MGMT: variants seen among roughly 807,000 people sequenced by gnomAD.
MGMT encodes the protein methylated-DNA--protein-cysteine methyltransferase.
In MGMT, 14 loss-of-function variants were observed where a neutral mutation model predicts 15.9. The observed-to-expected ratio is 0.88, with a 90% CI of 0.58 to 1.37. The LOEUF (loss-of-function observed/expected upper bound fraction) is 1.37, where lower values mean the gene tolerates loss of function less well. Ranked by LOEUF, MGMT falls within the 40% of genes most tolerant of loss-of-function variation. MGMT has a pLI of 0.00. For synonymous variants in MGMT, 130 were observed against 118.2 expected (o/e 1.10, Z -0.65); for missense variants, 282 against 268.1 (o/e 1.05, Z -0.36).
At chr10:129,558,644 A>G (rs539745405) in intron 2 of MGMT, among the ~76,000 whole-genome samples, 4 of 152,222 alleles carry the variant, frequency 2.6e-5, no homozygotes, top group African/African-American at 9.6e-5. Flanking sequence ...AAATGGTATT[A>G]CAGTCTTTGT....
At chr10:129,517,962 G>C (rs981648027) in intron 1 of MGMT, among the ~76,000 whole-genome samples, 14 of 152,192 alleles carry the variant, frequency 9.2e-5, no homozygotes, top group African/African-American at 3.4e-4. Context: ...TGCTTTAGCA[G>C]ATGTTGTGTG....
At chr10:129,658,459 A>G (rs1847557388) in intron 2 of MGMT, among the ~76,000 whole-genome samples, 1 of 152,126 alleles carries the variant, frequency 6.6e-6, no homozygotes, top group South Asian at 2.1e-4. Context: ...TTTCTTAGAG[A>G]CTTATTTGAT....
intron 2 of MGMT, among the ~76,000 whole-genome samples, chr10:129,668,522 C>T (rs1467023711): frequency 5.9e-5 from 9 of 152,232 alleles, no homozygotes; most frequent in Admixed American, 4.6e-4. Context: ...CATTTATTCC[C>T]CATGTCTATG....
chr10:129,755,307 C>T (rs1848792177), intron 3 of MGMT, among the ~76,000 whole-genome samples: 1 of 152,240 alleles, frequency 6.6e-6, no homozygotes, highest in African/African-American at 2.4e-5. Context: ...GCCAGGGACA[C>T]CAGCTCCTGG....
At chr10:129,519,869 G>A (rs1444562391) in intron 1 of MGMT, among the ~76,000 whole-genome samples, 6 of 152,008 alleles carry the variant, frequency 3.9e-5, no homozygotes, top group Non-Finnish European at 8.8e-5. Flanking sequence ...GAGGATAGCC[G>A]GCCTCTCTAC....
intron 1 of MGMT, among the ~76,000 whole-genome samples, chr10:129,492,434 C>T (rs1438157408): frequency 6.6e-6 from 1 of 152,228 alleles, no homozygotes; most frequent in African/African-American, 2.4e-5. Context: ...CCTCCCACCC[C>T]AGTCTCGTAA....
intron 1 of MGMT, among the ~76,000 whole-genome samples, chr10:129,515,054 G>GTT (rs1412190435): frequency 6.6e-6 from 1 of 152,214 alleles, no homozygotes; most frequent in Non-Finnish European, 1.5e-5. Context: ...GAGAGAAAGG[G>GTT]TTGGGGTCTG....
intron 3 of MGMT, among the ~76,000 whole-genome samples, chr10:129,758,293 C>T (rs1359271141): frequency 1.3e-5 from 2 of 152,170 alleles, no homozygotes; most frequent in East Asian, 1.9e-4. Flanking sequence ...TTCCTGCCCG[C>T]GGAAGCCTTC....
At chr10:129,594,793 A>G (rs1003326292) in intron 2 of MGMT, among the ~76,000 whole-genome samples, 2 of 152,198 alleles carry the variant, frequency 1.3e-5, no homozygotes, top group African/African-American at 2.4e-5. Flanking sequence ...TCTACCACCA[A>G]TGCCCTCCAT....
chr10:129,767,855 T>G lies in MGMT; in HGVS notation c.*858T>G, dbSNP rs867025054. 7.9e-5 allele frequency: 12 copies of G among 152,172 alleles called. No individual in the cohort carries two copies. Among genetic ancestry groups the G allele is most frequent in the African/African-American group, 1.9e-4 (8 of 41,402 alleles). 9.4% of individuals were successfully genotyped at this position (152,172 alleles called of 1,614,324 possible). The stretch of plus-strand genomic sequence containing the variant: ...TCCTGGAAGTCAAAGGTCACGACTG[T>G]GGGGGGCCAGCTCATGTCACTGATG... On this transcript the variant is annotated 3_prime_UTR_variant, in exon 5 of 5. Transcript: ENST00000651593.
In MGMT at chr10:129,536,426, C is replaced by T. The variant is rs755478898; in HGVS notation, c.125+49C>T. The T allele has an allele frequency of 1.2e-5, 19 of 1,586,882 alleles. No individual in the cohort carries two copies. The Admixed American group carries it at 2.8e-4, about 24-fold the overall frequency. On this transcript the variant is annotated intron_variant, in intron 2 of 4. Coordinates refer to ENST00000651593, the MANE Select transcript of MGMT (RefSeq NM_002412.5). ...TGTATACCGCACATGCTGAAGCAAC[C>T]GAGGAGTATATGTGATAACGGCATG...
chr10:129,716,142 G>A (rs760144727), intron 3 of MGMT, among the ~76,000 whole-genome samples: 2 of 152,114 alleles, frequency 1.3e-5, no homozygotes, highest in East Asian at 1.9e-4. Flanking sequence ...GAACGAAATC[G>A]AGGAAAAGAA....
chr10:129,756,008 G>A (rs1205320830), intron 3 of MGMT, among the ~76,000 whole-genome samples: 3 of 152,188 alleles, frequency 2.0e-5, no homozygotes, highest in Admixed American at 6.5e-5. Flanking sequence ...ACTCCATGGC[G>A]TGGCATGAAA....
chr10:129,658,621 G>A (rs559563191), intron 2 of MGMT, among the ~76,000 whole-genome samples: 25 of 152,230 alleles, frequency 1.6e-4, no homozygotes, highest in Non-Finnish European at 3.2e-4. Context: ...TAAAAGCAAG[G>A]GAGCTCACCA....
rs192092687 is a variant in MGMT, at chr10:129,595,913, A to G, written c.125+59536A>G. Among the ~76,000 whole-genome samples, 442 of 152,266 alleles carry G rather than the reference A, an allele frequency of 2.9e-3. 3 individuals are homozygous for G. Among genetic ancestry groups the G allele is most frequent in the African/African-American group, 0.01 (419 of 41,538 alleles). On this transcript the variant is annotated intron_variant, in intron 2 of 4. Transcript: ENST00000651593. ...TTGAAAAGCACCTAACAAGTTTTCT[A>G]TGGGGGAGATTATACAGGGACTGGG...
intron 2 of MGMT, among the ~76,000 whole-genome samples, chr10:129,650,518 C>T (rs1452073028): frequency 2.6e-5 from 4 of 152,118 alleles, no homozygotes; most frequent in Non-Finnish European, 4.4e-5. Flanking sequence ...AATAGGAATG[C>T]GCATGAACGG....
At chr10:129,643,557 A>G (rs925357749) in intron 2 of MGMT, among the ~76,000 whole-genome samples, 5 of 152,120 alleles carry the variant, frequency 3.3e-5, no homozygotes, top group African/African-American at 1.2e-4. Flanking sequence ...GGCTCTTTCC[A>G]GCGGGGCGGG....
At chr10:129,487,367 A>G (rs1845419071) in intron 1 of MGMT, among the ~76,000 whole-genome samples, 1 of 152,126 alleles carries the variant, frequency 6.6e-6, no homozygotes, top group East Asian at 1.9e-4. Context: ...GCTAGGAAGT[A>G]AAGGAGAAAA....
chr10:129,551,229 G>A (rs949266363), intron 2 of MGMT, among the ~76,000 whole-genome samples: 1 of 152,244 alleles, frequency 6.6e-6, no homozygotes, highest in African/African-American at 2.4e-5. Context: ...GGAGAGAGAT[G>A]CTCTGAAGAA....
Sources: allele counts gnomAD v4.1 joint callset (sites outside exome capture counted in the v4.1 genomes callset), GRCh38; gene constraint gnomAD v4.1.1; transcripts MANE v1.5; gene names NCBI Gene and HGNC (gene_info 2026-07-23, HGNC 2026-07-21).